Variants in HTR2C observed in about 807,000 individuals in gnomAD.
The protein encoded by HTR2C is 5-hydroxytryptamine (serotonin) receptor 2C, G protein-coupled.
HTR2C carries 5 observed loss-of-function variants against 21.0 expected under a neutral mutation model. That is an observed-to-expected ratio of 0.24 (90% CI 0.12 to 0.50). HTR2C has a LOEUF of 0.50. HTR2C is among the 20% of genes least tolerant of loss of function. HTR2C has a pLI of 0.98. For missense variants in HTR2C, 271 were observed against 371.2 expected (o/e 0.73, Z 2.22); for synonymous variants, 150 against 145.3 (o/e 1.03, Z -0.23).
At chrX:114,846,076 C>A (rs1387156795) in intron 4 of HTR2C, among the ~76,000 whole-genome samples, 2 of 110,820 alleles carry the variant, frequency 1.8e-5, no homozygotes, top group African/African-American at 6.6e-5. Context: ...AATTAAATAA[C>A]CTGGATGAAA....
chrX:114,721,999 A>G (rs1353299849), intron 2 of HTR2C, among the ~76,000 whole-genome samples: 121 of 108,864 alleles, frequency 1.1e-3, no homozygotes, highest in African/African-American at 3.7e-3. Flanking sequence ...TTGGCGATGC[A>G]GGCTCTTTTT....
At chrX:114,781,814 T>TA (rs782045730) in intron 4 of HTR2C, among the ~76,000 whole-genome samples, 10,057 of 91,844 alleles carry the variant, frequency 0.11, 899 homozygotes, top group African/African-American at 0.28. Flanking sequence ...CCCCGCCGTC[T>TA]AAAAAAAAAA....
In HTR2C at chrX:114,906,689, T is replaced by G. The variant is rs201583846; in HGVS notation, c.651T>G (p.Ile217Met). ...TCAACGACCCAAATTTCGTTCTTAT[T>G]GGGTCCTTCGTAGCTTTCTTCATAC... The part of the protein sequence containing the change: ...CVLNDPNFVL[I>M]GSFVAFFIPL... Residue 217 changes from isoleucine to methionine, a missense_variant, in exon 6 of 6, where the codon ATT (isoleucine) becomes ATG (methionine). By Grantham distance (10) the Ile-to-Met change is conservative. This residue lies in a region of HTR2C where 192 missense variants were observed against 247.2 expected (regional missense o/e 0.78). Transcript: ENST00000276198. The G allele has an allele frequency of 8.3e-7, 1 of 1,210,849 alleles. No homozygotes were observed. Among genetic ancestry groups the G allele is most frequent in the Admixed American group, 2.2e-5 (1 of 45,977 alleles).
chrX:114,701,403 C>A (rs782202716), intron 2 of HTR2C, among the ~76,000 whole-genome samples: 2 of 111,019 alleles, frequency 1.8e-5, no homozygotes, highest in African/African-American at 6.5e-5. Context: ...TCACGGTTCA[C>A]AAAAACCTGC....
In HTR2C at chrX:114,852,846, C is replaced by T. The variant is rs935991498; in HGVS notation, c.550+4643C>T. Among the ~76,000 whole-genome samples the T allele has an allele frequency of 1.7e-4, 19 of 109,244 alleles. 1 individual carries two copies. The South Asian group carries it at 5.5e-3, about 31-fold the overall frequency. 94.9% of individuals were successfully genotyped at this position (109,244 alleles called of 115,157 possible). A position where few individuals can be genotyped will look rare whatever the true frequency, so the allele number is the denominator to read the frequency against. ...TCTGTCTTGTGTGTTTGTGTGCGCG[C>T]GCGCGTGCATGTGTGTGTTTCATAT... On this transcript the variant is annotated intron_variant, in intron 5 of 5. Transcript: ENST00000276198.
At chrX:114,845,717 G>A (rs1217042226) in intron 4 of HTR2C, among the ~76,000 whole-genome samples, 4 of 110,009 alleles carry the variant, frequency 3.6e-5, no homozygotes, top group African/African-American at 1.3e-4. Context: ...AAAAGGATTG[G>A]CTGGCCAATC....
At chrX:114,724,352 G>A (rs1230063046) in intron 2 of HTR2C, among the ~76,000 whole-genome samples, 21 of 102,271 alleles carry the variant, frequency 2.1e-4, no homozygotes, top group African/African-American at 6.3e-4. Flanking sequence ...TGCCTTTTTC[G>A]TTTTCCATTT....
chrX:114,859,398 A>G (rs1556472221), intron 5 of HTR2C, among the ~76,000 whole-genome samples: 1 of 110,931 alleles, frequency 9.0e-6, no homozygotes, highest in African/African-American at 3.3e-5. Flanking sequence ...TTGCTTCAAC[A>G]TGAATGGCAA....
chrX:114,769,291 GA>G (rs1228615797), intron 4 of HTR2C, among the ~76,000 whole-genome samples: 1 of 111,068 alleles, frequency 9.0e-6, no homozygotes, highest in African/African-American at 3.3e-5. Flanking sequence ...ATTCCAGCTA[GA>G]TGCCAAGCAG....
At position 114,809,821 on chromosome X, in the gene HTR2C, TC is replaced by T. The variant is rs782463209; in HGVS notation, c.350-38181del. ...AGACAAAATCCCCTTTACTGTTCCC[TC>T]TCCTTTCCTCAATCAGAAAGAGTCT... is the stretch of plus-strand genomic sequence containing the variant. On this transcript the variant is annotated intron_variant, in intron 4 of 5. Coordinates refer to ENST00000276198, the MANE Select transcript of HTR2C (RefSeq NM_000868.4). Among the ~76,000 whole-genome samples the T allele has an allele frequency of 6.9e-3, 762 of 111,217 alleles. 5 individuals are homozygous for T. Among genetic ancestry groups the T allele is most frequent in the South Asian group, 0.02 (53 of 2,625 alleles).
In HTR2C at chrX:114,601,753, A is replaced by T. The variant is rs1267843433; in HGVS notation, c.-146-12062A>T. ...GCCTTCTTATATTAATAAGAAAAAT[A>T]AAACAAAATAGTGTTGAAGTGTTGG... On this transcript the variant is annotated intron_variant, in intron 1 of 5. Transcript: ENST00000276198. Among the ~76,000 whole-genome samples, 34 of 106,539 alleles carry T rather than the reference A, an allele frequency of 3.2e-4. No individual in the cohort carries two copies. The South Asian group carries it at 7.7e-3, about 24-fold the overall frequency. 92.5% of individuals were successfully genotyped at this position (106,539 alleles called of 115,157 possible).
At chrX:114,666,132 C>T (rs782604261) in intron 2 of HTR2C, among the ~76,000 whole-genome samples, 27 of 111,766 alleles carry the variant, frequency 2.4e-4, no homozygotes, top group African/African-American at 5.8e-4. Context: ...CTTCTCACTT[C>T]GTGCTGCTGA....
intron 2 of HTR2C, among the ~76,000 whole-genome samples, chrX:114,673,303 C>T (rs1470751153): frequency 3.6e-5 from 4 of 111,667 alleles, no homozygotes; most frequent in Non-Finnish European, 5.6e-5. Flanking sequence ...TGATTATCTT[C>T]AATGGATTTG....
intron 3 of HTR2C, among the ~76,000 whole-genome samples, chrX:114,731,088 T>G (rs1556423136): frequency 9.0e-6 from 1 of 111,516 alleles, no homozygotes; most frequent in East Asian, 2.8e-4. Flanking sequence ...CTCATAATAA[T>G]CACTCAATAA....
chrX:114,783,404 A>G (rs186155288), intron 4 of HTR2C, among the ~76,000 whole-genome samples: 10 of 112,169 alleles, frequency 8.9e-5, no homozygotes, highest in African/African-American at 3.2e-4. Flanking sequence ...TCATAGTTAT[A>G]CAAAGTTCTA....
At chrX:114,671,048 T>C (rs1340808423) in intron 2 of HTR2C, among the ~76,000 whole-genome samples, 1 of 112,127 alleles carries the variant, frequency 8.9e-6, no homozygotes, top group Non-Finnish European at 1.9e-5. Flanking sequence ...TGTCATTTAT[T>C]TGATTTGTGA....
intron 5 of HTR2C, among the ~76,000 whole-genome samples, chrX:114,852,247 A>G (rs974382676): frequency 2.7e-5 from 3 of 110,331 alleles, no homozygotes; most frequent in African/African-American, 9.9e-5. Context: ...TTGTTTTTGC[A>G]TGTATTCCCC....
At chrX:114,625,129 C>A (rs1307503103) in intron 2 of HTR2C, among the ~76,000 whole-genome samples, 1 of 111,703 alleles carries the variant, frequency 9.0e-6, no homozygotes, top group Non-Finnish European at 1.9e-5. Context: ...TGTCACCTCC[C>A]TCCCCGCACC....
At chrX:114,903,852 T>C (rs2071353882) in intron 5 of HTR2C, among the ~76,000 whole-genome samples, 1 of 111,972 alleles carries the variant, frequency 8.9e-6, no homozygotes, top group African/African-American at 3.2e-5. Context: ...ATTCCCCAGA[T>C]TGAGTCTCTA....
Sources: allele counts gnomAD v4.1 joint callset (sites outside exome capture counted in the v4.1 genomes callset), GRCh38; gene constraint gnomAD v4.1.1; regional missense constraint gnomAD v4.1.1; transcripts MANE v1.5; gene names NCBI Gene and HGNC (gene_info 2026-07-23, HGNC 2026-07-21).